Variants in FBXL14 observed in about 807,000 individuals in gnomAD.
FBXL14 encodes the protein F-box and leucine rich repeat protein 14, also known as F-box/LRR-repeat protein 14.
Under a neutral mutation model 24.5 loss-of-function variants are expected in FBXL14, and 11 were observed. The observed-to-expected ratio is 0.45, with a 90% CI of 0.28 to 0.74. The LOEUF (loss-of-function observed/expected upper bound fraction) is 0.74. Ranked by LOEUF, FBXL14 falls within the 30% of genes least tolerant of loss-of-function variation. The pLI is 0.12. For synonymous variants in FBXL14, 294 were observed against 240.4 expected (o/e 1.22, Z -2.06); for missense variants, 384 against 545.6 (o/e 0.70, Z 2.95).
At chr12:1,572,011 C>G (rs540822538) in intron 1 of FBXL14, among the ~76,000 whole-genome samples, 2 of 152,306 alleles carry the variant, frequency 1.3e-5, no homozygotes, top group African/African-American at 4.8e-5. Flanking sequence ...CTACAAATTC[C>G]CACCAAGGGA....
Position 1,566,493 on chromosome 12 carries a change from G to C in FBXL14, c.*255C>G, listed in dbSNP as rs2094436474. On this transcript the variant is annotated 3_prime_UTR_variant, in exon 2 of 2. Coordinates refer to ENST00000339235, the MANE Select transcript of FBXL14 (RefSeq NM_152441.3). ...ATCCTAGCAAGTAAAAAGCTGAACA[G>C]ACTGAAAAAGCAAGTCTCCTTGGAT... The C allele has an allele frequency of 1.7e-5, 7 of 412,212 alleles. No individual in the cohort carries two copies. The South Asian group carries it at 3.5e-4, about 21-fold the overall frequency. 25.5% of individuals were successfully genotyped at this position (412,212 alleles called of 1,614,324 possible).
At chr12:1,583,762 C>G (rs1311714493) in intron 1 of FBXL14, among the ~76,000 whole-genome samples, 1 of 152,226 alleles carries the variant, frequency 6.6e-6, no homozygotes, top group African/African-American at 2.4e-5. Flanking sequence ...ATTAACCATA[C>G]TTTATTGTAC....
At position 1,566,517 on chromosome 12, in the gene FBXL14, A is replaced by G. The variant is rs759582260; in HGVS notation, c.*231T>C. On this transcript the variant is annotated 3_prime_UTR_variant, in exon 2 of 2. Coordinates refer to ENST00000339235, the MANE Select transcript of FBXL14 (RefSeq NM_152441.3). ...AGACTGAAAAAGCAAGTCTCCTTGG[A>G]TCCATAAAGGAAGCGAGGTCTCAGA... 4 of 452,362 alleles carry G rather than the reference A, an allele frequency of 8.8e-6. No homozygotes were observed. The highest frequency in any genetic ancestry group is 2.0e-5 in the African/African-American group (1 of 50,114). The allele number at this position is 452,362 out of a possible 1,614,324, so 28.0% of individuals were successfully genotyped here. A position where few individuals can be genotyped will look rare whatever the true frequency, so the allele number is the denominator to read the frequency against.
chr12:1,579,944 T>C lies in FBXL14; in HGVS notation c.1194+12929A>G, dbSNP rs189637823. On this transcript the variant is annotated intron_variant, in intron 1 of 1. Transcript: ENST00000339235. This position sits in a 1 kb window ranked among gnomAD's most constrained non-coding sequence, Gnocchi z 4.3. ...TCCTTAATGAACACTCATGCATAGA[T>C]GACATCAAAGAAGGTCCTTTGCAAT... Among the ~76,000 whole-genome samples, 81 of 152,324 alleles carry C rather than the reference T, an allele frequency of 5.3e-4. No individual in the cohort carries two copies. Among genetic ancestry groups the C allele is most frequent in the Middle Eastern group, 3.4e-3 (1 of 294 alleles).
At chr12:1,577,671 A>G (rs1172051047) in intron 1 of FBXL14, among the ~76,000 whole-genome samples, 1 of 152,224 alleles carries the variant, frequency 6.6e-6, no homozygotes, top group Non-Finnish European at 1.5e-5. Flanking sequence ...GGGCAGGGTG[A>G]GCAGGGAGCT....
rs1197398360 is a variant in FBXL14, at chr12:1,593,755, G to A, written c.312C>T (p.Thr104=). 3.1e-6 allele frequency: 5 copies of A among 1,614,166 alleles called. No homozygotes were observed. Among genetic ancestry groups the A allele is most frequent in the East Asian group, 2.2e-5 (1 of 44,866 alleles). ...SLNLSGCYNL[T]DNGLGHAFVQ... is the part of the protein sequence containing the mutation. ...CAAACGCGTGGCCCAGCCCGTTGTCGGTGAGGTTGTAGCAGCCGCTGAGGT... is the reference window on the plus strand; with the variant it reads ...CAAACGCGTGGCCCAGCCCGTTGTCAGTGAGGTTGTAGCAGCCGCTGAGGT... Residue 104 remains threonine (T), a synonymous_variant, in exon 1 of 2, where the codon ACC becomes ACT. Transcript: ENST00000339235. The surrounding 1 kb of genome is among the most constrained non-coding windows in gnomAD (Gnocchi z 7.4).
Position 1,593,787 on chromosome 12 carries a change from T to G in FBXL14, c.280A>C (p.Ser94Arg). Residue 94 changes from serine (S) to arginine (R), a missense_variant, in exon 1 of 2, where the codon AGC (serine) becomes CGC (arginine). By Grantham distance (110) the Ser-to-Arg change is moderately radical. Transcript: ENST00000339235. The surrounding 1 kb of genome is among the most constrained non-coding windows in gnomAD (Gnocchi z 7.4). ...TTGTAGCAGCCGCTGAGGTTGAGGC[T>G]CTCGATGTTGGCCATGCCCTGGATC... ...YVIQGMANIE[S>R]LNLSGCYNLT... The G allele has an allele frequency of 6.2e-7, 1 of 1,614,138 alleles. No homozygotes were observed. The highest frequency in any genetic ancestry group is 8.5e-7 in the Non-Finnish European group (1 of 1,180,022).
At chr12:1,586,182 G>T (rs796133081) in intron 1 of FBXL14, among the ~76,000 whole-genome samples, 93 of 137,792 alleles carry the variant, frequency 6.7e-4, no homozygotes, top group East Asian at 1.3e-3. Flanking sequence ...AGCATTTGGG[G>T]TTTTTTTTTT....
At position 1,594,166 on chromosome 12, in the gene FBXL14, G is replaced by GCCGCCGCCGCCT. The variant is rs2154438488; in HGVS notation, c.-101_-100insAGGCGGCGGCGG. On this transcript the variant is annotated 5_prime_UTR_variant, in exon 1 of 2. Transcript: ENST00000339235. The stretch of plus-strand genomic sequence containing the variant: ...AGAGCGCTTCTCCCCAGCCGCCGCC[G>GCCGCCGCCGCCT]CCGCCGCCGCCGCCGCCTCGGGCCC... 1 of 906,612 alleles carries GCCGCCGCCGCCT rather than the reference G, an allele frequency of 1.1e-6. No individual in the cohort carries two copies. Among genetic ancestry groups the GCCGCCGCCGCCT allele is most frequent in the East Asian group, 4.0e-5 (1 of 25,066 alleles). 56.2% of individuals were successfully genotyped at this position (906,612 alleles called of 1,614,324 possible). A position where few individuals can be genotyped will look rare whatever the true frequency, so the allele number is the denominator to read the frequency against.
chr12:1,566,508 T>C lies in FBXL14; in HGVS notation c.*240A>G, dbSNP rs1239936166. On this transcript the variant is annotated 3_prime_UTR_variant, in exon 2 of 2. Transcript: ENST00000339235. ...AAGCTGAACAGACTGAAAAAGCAAG[T>C]CTCCTTGGATCCATAAAGGAAGCGA... 2 of 423,960 alleles carry C rather than the reference T, an allele frequency of 4.7e-6. No homozygotes were observed. Among genetic ancestry groups the C allele is most frequent in the Non-Finnish European group, 8.3e-6 (2 of 239,828 alleles). The allele number at this position is 423,960 out of a possible 1,614,324, so 26.3% of individuals were successfully genotyped here.
chr12:1,592,445 CA>C (rs2094492658), intron 1 of FBXL14, among the ~76,000 whole-genome samples: 2 of 152,058 alleles, frequency 1.3e-5, no homozygotes, highest in South Asian at 4.2e-4. Flanking sequence ...AAATAAAAAC[CA>C]GATCACAGTA....
intron 1 of FBXL14, among the ~76,000 whole-genome samples, chr12:1,589,472 G>A (rs1162122084): frequency 1.9e-5 from 2 of 102,892 alleles, no homozygotes; most frequent in Admixed American, 1.1e-4. Context: ...AAGGCAGGAA[G>A]ACAGGAAGGA....
chr12:1,579,263 G>C lies in FBXL14; in HGVS notation c.1195-12453C>G, dbSNP rs937092325. Among the ~76,000 whole-genome samples, 1 of 152,058 alleles carries C rather than the reference G, an allele frequency of 6.6e-6. No homozygotes were observed. Among genetic ancestry groups the C allele is most frequent in the African/African-American group, 2.4e-5 (1 of 41,432 alleles). On this transcript the variant is annotated intron_variant, in intron 1 of 1. Coordinates refer to ENST00000339235, the MANE Select transcript of FBXL14 (RefSeq NM_152441.3). This position sits in a 1 kb window ranked among gnomAD's most constrained non-coding sequence, Gnocchi z 4.3. ...TTCTGAGGGCAAACCAAAAATGTCAGTAAAGCAAAAATATATCAATAAGGC... is the reference window on the plus strand; with the variant it reads ...TTCTGAGGGCAAACCAAAAATGTCACTAAAGCAAAAATATATCAATAAGGC...
intron 1 of FBXL14, among the ~76,000 whole-genome samples, chr12:1,584,498 A>G (rs542873069): frequency 1.3e-5 from 2 of 152,284 alleles, no homozygotes; most frequent in African/African-American, 4.8e-5. Flanking sequence ...CCTGGGGGTC[A>G]TGCTGTTCTG....
chr12:1,582,012 ACTAC>A (rs2094467322), intron 1 of FBXL14, among the ~76,000 whole-genome samples: 1 of 151,982 alleles, frequency 6.6e-6, no homozygotes, highest in East Asian at 1.9e-4. Context: ...TGTAGTCCCA[ACTAC>A]TCAGGAGGCT....
rs60015261 is a variant in FBXL14, at chr12:1,583,383, GA to G, written c.1194+9489del. On this transcript the variant is annotated intron_variant, in intron 1 of 1. Transcript: ENST00000339235. ...TTAAGAAGAATTAGAAGTTTAAAGA[GA>G]AAAAAAAAAAAGCATTAGAAGTTAA... is the stretch of plus-strand genomic sequence containing the variant. Among the ~76,000 whole-genome samples, 1,257 of 136,638 alleles carry G rather than the reference GA, an allele frequency of 9.2e-3. 13 individuals are homozygous for G. Among genetic ancestry groups the G allele is most frequent in the African/African-American group, 0.028 (1,053 of 37,938 alleles). 89.6% of individuals were successfully genotyped at this position (136,638 alleles called of 152,430 possible).
intron 1 of FBXL14, among the ~76,000 whole-genome samples, chr12:1,580,560 T>C (rs2094464291): frequency 6.6e-6 from 1 of 152,068 alleles, no homozygotes; most frequent in South Asian, 2.1e-4. Flanking sequence ...CTGCCCCCTA[T>C]TCTTCTCTAG....
At chr12:1,586,506 G>A (rs2094476853) in intron 1 of FBXL14, among the ~76,000 whole-genome samples, 1 of 152,150 alleles carries the variant, frequency 6.6e-6, no homozygotes, top group Non-Finnish European at 1.5e-5. Flanking sequence ...GCCTGGCTTG[G>A]TGCCACACAT....
intron 1 of FBXL14, among the ~76,000 whole-genome samples, chr12:1,578,952 G>A (rs758276542): frequency 1.3e-5 from 2 of 152,052 alleles, no homozygotes; most frequent in Middle Eastern, 3.4e-3. Context: ...ATGTAAAGTC[G>A]GGTGAAGCTT....
Sources: gnomAD v4.1 joint callset for allele counts (sites outside exome capture counted in the v4.1 genomes callset) on GRCh38, gnomAD v4.1.1 for gene constraint, Gnocchi (gnomAD v3.1) non-coding constraint, MANE v1.5 for transcripts, NCBI Gene and HGNC (gene_info 2026-07-23, HGNC 2026-07-21) for gene names.